The following NRG3 variants were observed in gnomAD, a reference collection of about 807,000 sequenced individuals.
NRG3 encodes neuregulin 3.
Under a neutral mutation model 66.9 loss-of-function variants are expected in NRG3, and 31 were observed. That is an observed-to-expected ratio of 0.46 (90% CI 0.35 to 0.63). The LOEUF (loss-of-function observed/expected upper bound fraction) is 0.63, where lower values mean the gene tolerates loss of function less well. Ranked by LOEUF, NRG3 falls within the 20% of genes least tolerant of loss-of-function variation. NRG3 has a pLI of 0.00. For synonymous variants in NRG3, 393 were observed against 359.4 expected, an observed-to-expected ratio of 1.09 and a Z score of -1.06; for missense variants, 910 against 878.9, an observed-to-expected ratio of 1.04 and a Z score of -0.45.
chr10:81,975,314 CATCTATCTATCTATCTATCT>C lies in NRG3; in HGVS notation c.823+99194_823+99213del, dbSNP rs140419592. Among the ~76,000 whole-genome samples the C allele has an allele frequency of 4.1e-3, 587 of 143,838 alleles. 5 individuals carry two copies. Among genetic ancestry groups the C allele is most frequent in the African/African-American group, 0.013 (505 of 38,752 alleles). 94.4% of individuals were successfully genotyped at this position (143,838 alleles called of 152,430 possible). A position where few individuals can be genotyped will look rare whatever the true frequency, so the allele number is the denominator to read the frequency against. Reference sequence around the variant, plus strand: ...TATATGAGCTCATACAATTGTGTAACATCTATCTATCTATCTATCTATCTATCTATCTATCTATCTATCTA... The same window carrying C: ...TATATGAGCTCATACAATTGTGTAACATCTATCTATCTATCTATCTATCTA... On this transcript the variant is annotated intron_variant, in intron 1 of 8. Transcript: ENST00000372141.
At chr10:82,925,292 G>A (rs1319905917) in intron 4 of NRG3, among the ~76,000 whole-genome samples, 2 of 152,194 alleles carry the variant, frequency 1.3e-5, no homozygotes, top group East Asian at 1.9e-4. Context: ...ATGACATGTG[G>A]TGGTTGAAAG....
intron 3 of NRG3, among the ~76,000 whole-genome samples, chr10:82,772,218 C>T (rs564386054): frequency 6.6e-6 from 1 of 152,096 alleles, no homozygotes; most frequent in Admixed American, 6.6e-5. Flanking sequence ...AATGGTTACT[C>T]TAGTGAAACA....
intron 4 of NRG3, among the ~76,000 whole-genome samples, chr10:82,883,559 GA>G (rs1171111559): frequency 6.6e-6 from 1 of 152,064 alleles, no homozygotes; most frequent in African/African-American, 2.4e-5. Context: ...TGTAATTGTT[GA>G]AAAGAATTTC....
intron 1 of NRG3, among the ~76,000 whole-genome samples, chr10:82,107,096 G>C (rs544401100): frequency 6.6e-6 from 1 of 152,212 alleles, no homozygotes; most frequent in African/African-American, 2.4e-5. Context: ...AATATTTTGG[G>C]ACCAGAAGTG....
At chr10:82,237,142 C>T (rs959307360) in intron 1 of NRG3, among the ~76,000 whole-genome samples, 20 of 152,176 alleles carry the variant, frequency 1.3e-4, no homozygotes, top group African/African-American at 4.8e-4. Context: ...CATGGAGATG[C>T]CTCTAAATTA....
intron 2 of NRG3, among the ~76,000 whole-genome samples, chr10:82,387,560 G>C (rs144810105): frequency 6.6e-6 from 1 of 152,280 alleles, no homozygotes; most frequent in Non-Finnish European, 1.5e-5. Flanking sequence ...TTTTTAGCTG[G>C]AAAACATGTA....
intron 3 of NRG3, among the ~76,000 whole-genome samples, chr10:82,826,918 G>GA (rs951217212): frequency 1.0e-4 from 15 of 148,352 alleles, no homozygotes; most frequent in East Asian, 7.9e-4. Flanking sequence ...AATAAATGTT[G>GA]AAAAAAAAAG....
chr10:82,001,786 T>G (rs935613977), intron 1 of NRG3, among the ~76,000 whole-genome samples: 2 of 152,160 alleles, frequency 1.3e-5, no homozygotes, highest in East Asian at 3.9e-4. Context: ...TTAACTGAAA[T>G]ATTAAGTTGA....
At chr10:82,760,177 G>C (rs1237246076) in intron 3 of NRG3, among the ~76,000 whole-genome samples, 1 of 152,030 alleles carries the variant, frequency 6.6e-6, no homozygotes, top group Non-Finnish European at 1.5e-5. Flanking sequence ...TGAGAAAATA[G>C]CCTATAAACT....
At chr10:82,676,926 A>G (rs547909420) in intron 2 of NRG3, among the ~76,000 whole-genome samples, 1 of 152,170 alleles carries the variant, frequency 6.6e-6, no homozygotes, top group East Asian at 1.9e-4. Context: ...AGAAAACTTC[A>G]ATCAGACCTC....
intron 2 of NRG3, among the ~76,000 whole-genome samples, chr10:82,375,723 A>G (rs1294507005): frequency 2.0e-5 from 3 of 152,160 alleles, no homozygotes; most frequent in African/African-American, 7.2e-5. Context: ...ACCCTTGGTA[A>G]TATCTTAGCT....
chr10:82,600,512 C>A (rs912611660), intron 2 of NRG3, among the ~76,000 whole-genome samples: 6 of 152,028 alleles, frequency 3.9e-5, no homozygotes, highest in African/African-American at 1.2e-4. Flanking sequence ...GCTCTGTCAC[C>A]CTGGCTGGAG....
At chr10:82,844,374 G>A (rs1251318898) in intron 3 of NRG3, among the ~76,000 whole-genome samples, 1 of 152,184 alleles carries the variant, frequency 6.6e-6, no homozygotes, top group Non-Finnish European at 1.5e-5. Context: ...GCTGGGGAAA[G>A]GGCTAACCCC....
intron 3 of NRG3, among the ~76,000 whole-genome samples, chr10:82,815,697 T>C (rs1013009057): frequency 6.6e-6 from 1 of 152,102 alleles, no homozygotes; most frequent in African/African-American, 2.4e-5. Flanking sequence ...GAAACCTCTG[T>C]GTCCGGTTGT....
At chr10:82,734,710 A>G (rs942448278) in intron 2 of NRG3, among the ~76,000 whole-genome samples, 1 of 152,088 alleles carries the variant, frequency 6.6e-6, no homozygotes, top group African/African-American at 2.4e-5. Flanking sequence ...AACAAATAAC[A>G]TGATCAAGAA....
At chr10:81,930,229 A>G (rs879836891) in intron 1 of NRG3, among the ~76,000 whole-genome samples, 1 of 152,192 alleles carries the variant, frequency 6.6e-6, no homozygotes, top group Non-Finnish European at 1.5e-5. Flanking sequence ...ATCTGGAGTT[A>G]GTGCAGACCC....
intron 3 of NRG3, among the ~76,000 whole-genome samples, chr10:82,836,788 T>C (rs2062801438): frequency 6.6e-6 from 1 of 152,008 alleles, no homozygotes; most frequent in East Asian, 1.9e-4. Context: ...AACGTGCAGG[T>C]TAGTTACATA....
At chr10:81,999,020 C>T (rs1293382263) in intron 1 of NRG3, among the ~76,000 whole-genome samples, 1 of 152,190 alleles carries the variant, frequency 6.6e-6, no homozygotes, top group Non-Finnish European at 1.5e-5. Flanking sequence ...TCAGGTTGAT[C>T]TCAAGCTCCT....
At chr10:82,091,341 G>A (rs578143223) in intron 1 of NRG3, among the ~76,000 whole-genome samples, 11 of 152,222 alleles carry the variant, frequency 7.2e-5, no homozygotes, top group Admixed American at 2.6e-4. Flanking sequence ...GCCACCTGCA[G>A]CCATGGTAAC....
Sources: allele counts gnomAD v4.1 joint callset (sites outside exome capture counted in the v4.1 genomes callset), GRCh38; gene constraint gnomAD v4.1.1; transcripts MANE v1.5; gene names NCBI Gene and HGNC (gene_info 2026-07-23, HGNC 2026-07-21).